The following APOBEC3G variants were observed in gnomAD, a reference collection of about 807,000 sequenced individuals.
The protein encoded by APOBEC3G is apolipoprotein B mRNA editing enzyme catalytic subunit 3G.
In APOBEC3G, 44 loss-of-function variants were observed where a neutral mutation model predicts 50.0. The ratio of observed to expected loss-of-function variants is 0.88; its 90% confidence interval spans 0.69 to 1.13. The LOEUF is 1.13. Among genes scored for constraint, APOBEC3G ranks in the 50% most tolerant of loss-of-function variants. The pLI is 0.00. For synonymous variants in APOBEC3G, 156 were observed against 175.3 expected, an observed-to-expected ratio of 0.89 and a Z score of 0.87; for missense variants, 469 against 492.0, an observed-to-expected ratio of 0.95 and a Z score of 0.44.
At chr22:39,083,917 G>A in intron 5 of APOBEC3G, 33 bp downstream of exon 5, 1 of 1,604,396 alleles carries the variant, frequency 6.2e-7, no homozygotes, top group Non-Finnish European at 8.5e-7. Flanking sequence ...TCCAGGCAGG[G>A]CCCTCCCAAC....
At position 39,083,711 on chromosome 22, in the gene APOBEC3G, GC is replaced by G; in HGVS notation, c.582-19del. The G allele has an allele frequency of 6.2e-7, 1 of 1,612,450 alleles. No homozygotes were observed. The highest frequency in any genetic ancestry group is 1.3e-5 in the African/African-American group (1 of 75,014). On this transcript the variant is annotated intron_variant, in intron 4 of 7. Coordinates refer to ENST00000407997, the MANE Select transcript of APOBEC3G (RefSeq NM_021822.4). The stretch of plus-strand genomic sequence containing the variant: ...ACCAGGAGGGCTCTTACTCCTCTGG[GC>G]TTTTCCCCCACTTTCCAGACACTCG...
At position 39,080,930 on chromosome 22, in the gene APOBEC3G, C is replaced by A; in HGVS notation, c.172-3C>A. On this transcript the variant is annotated splice_region_variant and splice_polypyrimidine_tract_variant and intron_variant, in intron 2 of 7. Transcript: ENST00000407997. ...GCTTGCCCTGACCCTGCTCCTCTCC[C>A]AGGTGTATTCCGAACTTAAGTACCA... The A allele has an allele frequency of 6.2e-7, 1 of 1,611,706 alleles. No individual in the cohort carries two copies. Among genetic ancestry groups the A allele is most frequent in the South Asian group, 1.1e-5 (1 of 90,858 alleles).
In APOBEC3G at chr22:39,083,868, GC is replaced by G; in HGVS notation, c.720del (p.Leu242TyrfsTer24). Reference sequence around the variant, plus strand: ...TGGGTCCTGCTGAACCAGCGCAGGGGCTTTCTATGCAACCAGGTGACCAACC... The same window carrying G: ...TGGGTCCTGCTGAACCAGCGCAGGGGTTTCTATGCAACCAGGTGACCAACC... ...DTWVLLNQRR[G>X]FLCNQAPHKH... is the part of the protein sequence containing the mutation. On this transcript the variant is annotated frameshift_variant, in exon 5 of 8. Coordinates refer to ENST00000407997, the MANE Select transcript of APOBEC3G (RefSeq NM_021822.4). LOFTEE classifies it high-confidence loss of function. 1 of 1,613,400 alleles carries G rather than the reference GC, an allele frequency of 6.2e-7. No homozygotes were observed. The highest frequency in any genetic ancestry group is 8.5e-7 in the Non-Finnish European group (1 of 1,179,566).
At chr22:39,083,668 G>T in intron 4 of APOBEC3G, 63 bp from the exon 5 acceptor site, 1 of 1,566,112 alleles carries the variant, frequency 6.4e-7, no homozygotes, top group Non-Finnish European at 8.7e-7. Flanking sequence ...CGTGGAGAGG[G>T]AGGGGGAGGT....
chr22:39,081,322 G>A, intron 3 of APOBEC3G, 95 bp downstream of exon 3: 1 of 1,553,786 alleles, frequency 6.4e-7, no homozygotes, highest in South Asian at 1.2e-5. Context: ...TCTGATGCCT[G>A]CAAAGGCCAA....
intron 6 of APOBEC3G, 34 bp from the exon 7 acceptor site, chr22:39,086,977 G>T: frequency 1.3e-6 from 2 of 1,570,538 alleles, no homozygotes; most frequent in Non-Finnish European, 1.7e-6. Context: ...ATCCCACAGC[G>T]GGAGTGTGAC....
At chr22:39,078,178 GAAC>G (rs1928247471) in intron 1 of APOBEC3G, among the ~76,000 whole-genome samples, 1 of 152,130 alleles carries the variant, frequency 6.6e-6, no homozygotes, top group Non-Finnish European at 1.5e-5. Context: ...AGAATCCATT[GAAC>G]CCAGGAGGCG....
chr22:39,077,349 T>C lies in APOBEC3G; in HGVS notation c.-13T>C, dbSNP rs1393573707. On this transcript the variant is annotated 5_prime_UTR_variant, in exon 1 of 8. Coordinates refer to ENST00000407997, the MANE Select transcript of APOBEC3G (RefSeq NM_021822.4). ...TCCAGACAAAGATCTTAGTCGGGAC[T>C]AGCCGGCCAAGGATGAAGCCTCACT... is the stretch of plus-strand genomic sequence containing the variant. 4 of 1,576,218 alleles carry C rather than the reference T, an allele frequency of 2.5e-6. No individual in the cohort carries two copies. The South Asian group carries it at 3.5e-5, about 14-fold the overall frequency.
chr22:39,077,504 C>A, intron 1 of APOBEC3G, 126 bp downstream of exon 1: 1 of 1,484,584 alleles, frequency 6.7e-7, no homozygotes. Flanking sequence ...CCTCTGACTC[C>A]CCTGCACCCC....
chr22:39,079,837 C>G (rs1273022063), intron 2 of APOBEC3G: 1 of 151,390 alleles, frequency 6.6e-6, no homozygotes, highest in Non-Finnish European at 1.5e-5. Flanking sequence ...ATATTCAAAA[C>G]CGGCCTGGGC....
rs8177832 is a variant in APOBEC3G at position 39,081,561 on chromosome 22, A to C, written c.557A>C (p.His186Pro). ...NNLPKYYILL[H>P]IMLGEILRHS... Reference sequence around the variant, plus strand: ...CTGCCTAAATATTATATATTACTGCACATCATGCTGGGGGAGATTCTCAGG... The same window carrying C: ...CTGCCTAAATATTATATATTACTGCCCATCATGCTGGGGGAGATTCTCAGG... Residue 186 changes from histidine to proline, a missense_variant, in exon 4 of 8, where the codon CAC (histidine) becomes CCC (proline). Coordinates refer to ENST00000407997, the MANE Select transcript of APOBEC3G (RefSeq NM_021822.4). 6.2e-7 allele frequency: 1 copy of C among 1,613,834 alleles called. No homozygotes were observed. The highest frequency in any genetic ancestry group is 8.5e-7 in the Non-Finnish European group (1 of 1,179,866).
rs1480230874 is a variant in APOBEC3G at position 39,078,940 on chromosome 22, T to A, written c.26T>A (p.Val9Glu). 1.2e-6 allele frequency: 2 copies of A among 1,613,804 alleles called. No homozygotes were observed. The highest frequency in any genetic ancestry group is 1.7e-6 in the Non-Finnish European group (2 of 1,179,798). The change falls in exon 2 of 8, where the codon GTG becomes GAG. Residue 9 changes from valine (V) to glutamate (E), a missense_variant. Physicochemically the swap from Val to Glu is moderately radical, Grantham distance 121 (BLOSUM62 -2). Coordinates refer to ENST00000407997, the MANE Select transcript of APOBEC3G (RefSeq NM_021822.4). The part of the protein sequence containing the change: MKPHFRNT[V>E]ERMYRDTFSY... ...CTCTCTTGTGTCTTCAGAAACACAG[T>A]GGAGCGAATGTATCGAGACACATTC...
chr22:39,087,262 C>G, intron 7 of APOBEC3G, 136 bp downstream of exon 7: 1 of 1,598,124 alleles, frequency 6.3e-7, no homozygotes, highest in South Asian at 1.1e-5. Flanking sequence ...CTGTCCCTCC[C>G]TTTCCTTCTC....
At chr22:39,086,236 CAA>C (rs112871176) in intron 5 of APOBEC3G, 41 bp from the exon 6 acceptor site, 183 of 1,145,714 alleles carry the variant, frequency 1.6e-4, no homozygotes, top group South Asian at 4.2e-4. Context: ...AACTCTGTCT[CAA>C]AAAAAAAAAA....
Position 39,085,604 on chromosome 22 carries a change from C to T in APOBEC3G, c.736-675C>T, listed in dbSNP as rs761189140. 2.6e-5 allele frequency among the ~76,000 whole-genome samples: 4 copies of T among 152,122 alleles called. No homozygotes were observed. The South Asian group carries it at 6.2e-4, about 24-fold the overall frequency. ...TATTTAATAGATTATTGTAAAAATC[C>T]GGTCAGGTGTGGTGGCTCATGCCTG... On this transcript the variant is annotated intron_variant, in intron 5 of 7. Transcript: ENST00000407997.
chr22:39,086,257 C>A, intron 5 of APOBEC3G, 22 bp from the exon 6 acceptor site: 1 of 1,546,482 alleles, frequency 6.5e-7, no homozygotes. Context: ...AAGATTACCT[C>A]ATGGCTTGCT....
In APOBEC3G at chr22:39,077,285, A is replaced by G. The variant is rs369893025; in HGVS notation, c.-77A>G. 392 of 1,551,434 alleles carry G rather than the reference A, an allele frequency of 2.5e-4. 1 individual carries two copies. Among genetic ancestry groups the G allele is most frequent in the Middle Eastern group, 8.4e-4 (5 of 5,986 alleles). On this transcript the variant is annotated 5_prime_UTR_variant, in exon 1 of 8. Coordinates refer to ENST00000407997, the MANE Select transcript of APOBEC3G (RefSeq NM_021822.4). Reference sequence around the variant, plus strand: ...AGGTCACTTTAGGGAGGGCTGTCCTAAAACCAGAAGCTTGGAGCAGAAAGT... The same window carrying G: ...AGGTCACTTTAGGGAGGGCTGTCCTGAAACCAGAAGCTTGGAGCAGAAAGT...
chr22:39,084,893 G>A (rs972700520), intron 5 of APOBEC3G, among the ~76,000 whole-genome samples: 2 of 152,206 alleles, frequency 1.3e-5, no homozygotes, highest in African/African-American at 2.4e-5. Flanking sequence ...GGCTGGAGAG[G>A]CCAAATTCTG....
chr22:39,082,062 T>C lies in APOBEC3G; in HGVS notation c.581+477T>C, dbSNP rs35895710. 4.5e-3 allele frequency: 738 copies of C among 163,324 alleles called. 5 individuals carry two copies. Among genetic ancestry groups the C allele is most frequent in the African/African-American group, 0.016 (678 of 41,638 alleles). 10.1% of individuals were successfully genotyped at this position (163,324 alleles called of 1,614,324 possible). A position where few individuals can be genotyped will look rare whatever the true frequency, so the allele number is the denominator to read the frequency against. ...CGGCTGCCATAGAAGATGGCCGGGC[T>C]GGGTGCCCACAGGGCAGGCATTTAT... On this transcript the variant is annotated intron_variant, in intron 4 of 7. Coordinates refer to ENST00000407997, the MANE Select transcript of APOBEC3G (RefSeq NM_021822.4).
Sources: gnomAD v4.1 joint callset for allele counts (sites outside exome capture counted in the v4.1 genomes callset) on GRCh38, gnomAD v4.1.1 for gene constraint, MANE v1.5 for transcripts, NCBI Gene and HGNC (gene_info 2026-07-23, HGNC 2026-07-21) for gene names.